Variants in EDIL3 observed in about 807,000 individuals in gnomAD.
EDIL3 encodes the protein EGF like and discoidin domains 3.
EDIL3 carries 37 observed loss-of-function variants against 67.4 expected under a neutral mutation model. That is an observed-to-expected ratio of 0.55 (90% confidence interval 0.42 to 0.72). The LOEUF is 0.72. Ranked by LOEUF, EDIL3 falls within the 30% of genes least tolerant of loss-of-function variation. The probability of loss-of-function intolerance (pLI) is 0.00; values close to 1 mark genes in which losing one functional copy is unlikely to be tolerated. For missense variants in EDIL3, 527 were observed against 586.3 expected, an observed-to-expected ratio of 0.90 and a Z score of 1.04; for synonymous variants, 195 against 196.3, an observed-to-expected ratio of 0.99 and a Z score of 0.05.
chr5:84,069,789 C>T (rs570651223), intron 6 of EDIL3, among the ~76,000 whole-genome samples: 2 of 152,184 alleles, frequency 1.3e-5, no homozygotes, highest in Admixed American at 6.5e-5. Flanking sequence ...CTAGTGTTTT[C>T]ATGCCCAAAT....
intron 1 of EDIL3, among the ~76,000 whole-genome samples, chr5:84,323,261 A>G (rs545662087): frequency 1.1e-4 from 17 of 152,108 alleles, no homozygotes; most frequent in Non-Finnish European, 2.2e-4. Context: ...TTAAGACGTA[A>G]TTTTGTGACA....
intron 9 of EDIL3, among the ~76,000 whole-genome samples, chr5:84,045,518 A>G (rs188891365): frequency 2.6e-5 from 4 of 152,322 alleles, no homozygotes; most frequent in Non-Finnish European, 5.9e-5. Context: ...TCTAGTGAAA[A>G]AAAAATGTAC....
chr5:83,953,524 T>G, intron 10 of EDIL3, among the ~76,000 whole-genome samples: 1 of 151,956 alleles, frequency 6.6e-6, no homozygotes, highest in African/African-American at 2.4e-5. Context: ...GTTATATTAT[T>G]TTCACTCATA....
chr5:84,088,097 T>C (rs1485556871), intron 6 of EDIL3, among the ~76,000 whole-genome samples: 4 of 152,164 alleles, frequency 2.6e-5, no homozygotes, highest in African/African-American at 9.7e-5. Context: ...GTAGAAAACT[T>C]CCATATAAGA....
intron 3 of EDIL3, among the ~76,000 whole-genome samples, chr5:84,193,603 G>A (rs895661634): frequency 6.6e-6 from 1 of 151,856 alleles, no homozygotes; most frequent in East Asian, 1.9e-4. Flanking sequence ...ATAAGGAAAA[G>A]AACAAAGAAT....
intron 9 of EDIL3, among the ~76,000 whole-genome samples, chr5:84,043,886 T>C (rs1035900219): frequency 1.3e-5 from 2 of 151,792 alleles, no homozygotes; most frequent in Admixed American, 6.6e-5. Context: ...AGGGTAGTTA[T>C]TTTTATTTTT....
chr5:84,232,539 G>C (rs1485341320), intron 2 of EDIL3, among the ~76,000 whole-genome samples: 2 of 152,108 alleles, frequency 1.3e-5, no homozygotes, highest in Non-Finnish European at 2.9e-5. Context: ...CAGAACCTTT[G>C]AAAAAGCAAA....
chr5:84,263,819 G>A lies in EDIL3; in HGVS notation c.68-9607C>T, dbSNP rs555446881. ...GTGGTTAAAGAAAACAGTGGAGAAG[G>A]AATAATCAGAAGGGTGAGAGCATGT... On this transcript the variant is annotated intron_variant, in intron 1 of 10. Coordinates refer to ENST00000296591, the MANE Select transcript of EDIL3 (RefSeq NM_005711.5). Among the ~76,000 whole-genome samples the A allele has an allele frequency of 2.6e-5, 4 of 152,268 alleles. No individual in the cohort carries two copies. In the South Asian group the frequency reaches 8.3e-4, roughly 32 times the overall value.
intron 1 of EDIL3, among the ~76,000 whole-genome samples, chr5:84,363,222 G>T (rs1031704397): frequency 6.6e-6 from 1 of 151,912 alleles, no homozygotes; most frequent in Non-Finnish European, 1.5e-5. Flanking sequence ...GCTAATTCAG[G>T]CTGAGGCAGG....
At chr5:84,129,311 C>G (rs1241886494) in intron 5 of EDIL3, among the ~76,000 whole-genome samples, 1 of 151,808 alleles carries the variant, frequency 6.6e-6, no homozygotes, top group Non-Finnish European at 1.5e-5. Flanking sequence ...ATTTTTTTAA[C>G]TCACAAAAAT....
At chr5:84,180,633 G>T in intron 3 of EDIL3, 112 bp from the exon 4 acceptor site, 3 of 1,230,080 alleles carry the variant, frequency 2.4e-6, no homozygotes, top group Non-Finnish European at 3.2e-6. Flanking sequence ...GATATTAGTG[G>T]CATAGTAAAT....
intron 7 of EDIL3, 80 bp downstream of exon 7, chr5:84,066,368 TCTC>T: frequency 4.2e-6 from 6 of 1,412,126 alleles, no homozygotes; most frequent in Admixed American, 3.0e-5. Flanking sequence ...ACATAAGTCT[TCTC>T]CTGAAGACCT....
At chr5:84,148,440 A>G (rs750309406) in intron 4 of EDIL3, among the ~76,000 whole-genome samples, 13 of 152,182 alleles carry the variant, frequency 8.5e-5, no homozygotes, top group Non-Finnish European at 1.6e-4. Flanking sequence ...CTCTTAATAT[A>G]CTTCTTTCCA....
At chr5:84,154,990 C>T (rs1259582378) in intron 4 of EDIL3, among the ~76,000 whole-genome samples, 4 of 152,024 alleles carry the variant, frequency 2.6e-5, no homozygotes, top group African/African-American at 9.7e-5. Flanking sequence ...ATGAGCCACG[C>T]GCCTAGCCTC....
intron 3 of EDIL3, among the ~76,000 whole-genome samples, chr5:84,213,449 T>C (rs1418574795): frequency 2.6e-5 from 4 of 152,182 alleles, no homozygotes; most frequent in Non-Finnish European, 4.4e-5. Context: ...TTAAAGAACA[T>C]CTCAAGCTTT....
At chr5:84,214,351 A>G (rs1484071721) in intron 3 of EDIL3, among the ~76,000 whole-genome samples, 2 of 152,110 alleles carry the variant, frequency 1.3e-5, no homozygotes, top group East Asian at 1.9e-4. Context: ...ATGTTCCAGT[A>G]TCTTATATAA....
intron 6 of EDIL3, among the ~76,000 whole-genome samples, chr5:84,070,027 A>G (rs1409670652): frequency 6.6e-6 from 1 of 152,024 alleles, no homozygotes; most frequent in African/African-American, 2.4e-5. Context: ...TGTGGATACC[A>G]AGGGGAATTT....
At chr5:84,051,164 C>A (rs1748036291) in intron 9 of EDIL3, among the ~76,000 whole-genome samples, 1 of 152,212 alleles carries the variant, frequency 6.6e-6, no homozygotes, top group South Asian at 2.1e-4. Context: ...CCAATATCCA[C>A]TGTTCTGCAG....
chr5:84,077,155 T>G (rs1746877280), intron 6 of EDIL3, among the ~76,000 whole-genome samples: 1 of 152,252 alleles, frequency 6.6e-6, no homozygotes, highest in South Asian at 2.1e-4. Flanking sequence ...TTTGATGCTA[T>G]CGTCATGATT....
Sources: gnomAD v4.1 joint callset for allele counts (sites outside exome capture counted in the v4.1 genomes callset) on GRCh38, gnomAD v4.1.1 for gene constraint, MANE v1.5 for transcripts, NCBI Gene and HGNC (gene_info 2026-07-23, HGNC 2026-07-21) for gene names.